The following MAPK10 variants were observed in gnomAD, a reference collection of about 807,000 sequenced individuals.
MAPK10 encodes mitogen-activated protein kinase 10, also known as JNK3 alpha protein kinase.
A neutral mutation model predicts 59.3 loss-of-function variants in MAPK10; 25 were observed. The ratio of observed to expected loss-of-function variants is 0.42; its 90% CI spans 0.31 to 0.59. The LOEUF (loss-of-function observed/expected upper bound fraction) is 0.59. Among genes scored for constraint, MAPK10 ranks in the 20% least tolerant of loss-of-function variants. The pLI, the probability that MAPK10 is intolerant of heterozygous loss-of-function variation, is 0.15. For synonymous variants in MAPK10, 190 were observed against 200.5 expected (o/e 0.95, Z 0.44); for missense variants, 351 against 568.9 (o/e 0.62, Z 3.90).
chr4:86,114,596 G>A (rs573522888), intron 4 of MAPK10, among the ~76,000 whole-genome samples: 1 of 152,308 alleles, frequency 6.6e-6, no homozygotes, highest in African/African-American at 2.4e-5. Flanking sequence ...AGCTGATGCT[G>A]GCCAGAACAC....
chr4:86,590,549 C>G (rs1762961772), intron 1 of MAPK10, among the ~76,000 whole-genome samples: 1 of 152,006 alleles, frequency 6.6e-6, no homozygotes, highest in South Asian at 2.1e-4. Context: ...TTTGGGAGGC[C>G]AAGGAGGGAG....
intron 3 of MAPK10, among the ~76,000 whole-genome samples, chr4:86,178,838 G>T (rs923247463): frequency 6.6e-6 from 1 of 152,158 alleles, no homozygotes; most frequent in African/African-American, 2.4e-5. Context: ...CAATAAAATT[G>T]CAGAATGCAA....
intron 4 of MAPK10, chr4:86,124,957 T>C (rs2059833432): frequency 6.6e-6 from 1 of 151,902 alleles, no homozygotes; most frequent in Non-Finnish European, 1.5e-5. Flanking sequence ...TCTTGGATAA[T>C]GGAACACTAA....
At chr4:86,128,390 G>A (rs988029373) in intron 4 of MAPK10, among the ~76,000 whole-genome samples, 8 of 152,018 alleles carry the variant, frequency 5.3e-5, no homozygotes, top group South Asian at 2.1e-4. Context: ...ATCATGGGCC[G>A]GTTTCCCCAT....
chr4:86,233,645 T>A (rs940304926), intron 2 of MAPK10, among the ~76,000 whole-genome samples: 1 of 152,128 alleles, frequency 6.6e-6, no homozygotes, highest in African/African-American at 2.4e-5. Flanking sequence ...AGGTAATCCA[T>A]AGCCTCCGAG....
intron 2 of MAPK10, among the ~76,000 whole-genome samples, chr4:86,248,354 A>T (rs1335211483): frequency 6.6e-6 from 1 of 152,234 alleles, no homozygotes; most frequent in Non-Finnish European, 1.5e-5. Context: ...TGTGAGATAC[A>T]AACTGTATTC....
At chr4:86,456,726 A>T (rs1380415685), upstream of MAPK10, among the ~76,000 whole-genome samples, 1 of 152,208 alleles carries the variant, frequency 6.6e-6, no homozygotes, top group African/African-American at 2.4e-5. Context: ...TCTACCAGAC[A>T]TTCAAAGAAG....
chr4:86,354,874 A>G (rs1386185897), intron 1 of MAPK10, among the ~76,000 whole-genome samples: 1 of 152,212 alleles, frequency 6.6e-6, no homozygotes, highest in African/African-American at 2.4e-5. Flanking sequence ...AAACTAAATT[A>G]GTAATTCTTA....
chr4:86,580,601 TTTTAA>T (rs1389260407), intron 1 of MAPK10, among the ~76,000 whole-genome samples: 2 of 152,224 alleles, frequency 1.3e-5, no homozygotes, highest in Non-Finnish European at 2.9e-5. Context: ...TTATCAAATA[TTTTAA>T]TTTCTCTATT....
chr4:86,589,072 C>T (rs951432696), intron 1 of MAPK10, among the ~76,000 whole-genome samples: 1 of 151,228 alleles, frequency 6.6e-6, no homozygotes, highest in African/African-American at 2.4e-5. Context: ...AAAATAAATT[C>T]CATATGGATG....
chr4:86,380,841 C>T (rs1209983756), intron 1 of MAPK10, among the ~76,000 whole-genome samples: 3 of 125,822 alleles, frequency 2.4e-5, no homozygotes, highest in African/African-American at 5.7e-5. Context: ...TGTTTCTGTA[C>T]TTTTTGTTGG....
chr4:86,247,649 T>TTG lies in MAPK10; in HGVS notation c.-6-53244_-6-53243dup, dbSNP rs10591715. ...TAATAGATAAACACTGTGTGTGTAG[T>TTG]TGTGTGTGTGTGTGTGTTGTGTAGG... On this transcript the variant is annotated intron_variant, in intron 2 of 13. Coordinates refer to ENST00000641462, the MANE Select transcript of MAPK10 (RefSeq NM_138982.4). 2.5e-4 allele frequency among the ~76,000 whole-genome samples: 37 copies of TTG among 150,690 alleles called. No individual in the cohort carries two copies. In the East Asian group the frequency reaches 2.9e-3, roughly 12 times the overall value.
chr4:86,022,063 A>T (rs1747380225), intron 13 of MAPK10, among the ~76,000 whole-genome samples: 1 of 152,166 alleles, frequency 6.6e-6, no homozygotes. Flanking sequence ...CCCACAGTGC[A>T]GTGGGGGGCT....
At chr4:86,451,068 G>A (rs185372362) in intron 1 of MAPK10, among the ~76,000 whole-genome samples, 144 of 152,230 alleles carry the variant, frequency 9.5e-4, no homozygotes, top group Non-Finnish European at 1.6e-3. Context: ...AGAGGATGGA[G>A]ATTTACAAGG....
intron 9 of MAPK10, among the ~76,000 whole-genome samples, chr4:86,094,436 A>G (rs1298541282): frequency 6.6e-6 from 1 of 151,962 alleles, no homozygotes; most frequent in Middle Eastern, 3.2e-3. Flanking sequence ...AGAATTTTCA[A>G]ATGCATGCAG....
chr4:86,295,924 C>T (rs969731384), intron 2 of MAPK10, among the ~76,000 whole-genome samples: 17 of 151,160 alleles, frequency 1.1e-4, no homozygotes, highest in Non-Finnish European at 1.5e-5. Flanking sequence ...GCCTGTAATC[C>T]CAGCACTTTG....
chr4:86,292,121 T>TTTTCAATATTTGTCTAA (rs2095244956), intron 2 of MAPK10, among the ~76,000 whole-genome samples: 1 of 152,140 alleles, frequency 6.6e-6, no homozygotes, highest in African/African-American at 2.4e-5. Flanking sequence ...CACTGCAAGG[T>TTTTCAATATTTGTCTAA]TTTCAATATT....
intron 4 of MAPK10, among the ~76,000 whole-genome samples, chr4:86,107,874 G>GT: frequency 6.6e-6 from 1 of 152,054 alleles, no homozygotes; most frequent in African/African-American, 2.4e-5. Flanking sequence ...GTTTGTTATT[G>GT]TTTTTTAGAA....
At chr4:86,394,133 G>A (rs1351886470) in intron 1 of MAPK10, among the ~76,000 whole-genome samples, 3 of 152,096 alleles carry the variant, frequency 2.0e-5, no homozygotes, top group Admixed American at 1.3e-4. Flanking sequence ...GCCAGGCTTG[G>A]TGGCATGCAC....
Sources: allele counts gnomAD v4.1 joint callset (sites outside exome capture counted in the v4.1 genomes callset), GRCh38; gene constraint gnomAD v4.1.1; transcripts MANE v1.5; gene names NCBI Gene and HGNC (gene_info 2026-07-23, HGNC 2026-07-21).